Variants in SOHLH1 observed in about 807,000 individuals in gnomAD.
SOHLH1 encodes the protein spermatogenesis- and oogenesis-specific basic helix-loop-helix-containing protein 1.
In SOHLH1, 23 loss-of-function variants were observed where a neutral mutation model predicts 36.2. The ratio of observed to expected loss-of-function variants is 0.64; its 90% CI spans 0.46 to 0.90. The LOEUF (loss-of-function observed/expected upper bound fraction) is 0.90. Among genes scored for constraint, SOHLH1 ranks in the 40% least tolerant of loss-of-function variants. SOHLH1 has a pLI of 0.00. For synonymous variants in SOHLH1, 289 were observed against 228.3 expected, an observed-to-expected ratio of 1.27 and a Z score of -2.40; for missense variants, 608 against 517.0, an observed-to-expected ratio of 1.18 and a Z score of -1.71.
intron 4 of SOHLH1, 103 bp from the exon 5 acceptor site, chr9:135,696,908 C>T (rs977842585): frequency 1.6e-5 from 20 of 1,255,566 alleles, no homozygotes; most frequent in Non-Finnish European, 2.3e-5. Context: ...ATCCCCAGGA[C>T]ACCCCAGGCA....
At chr9:135,700,972 C>T (rs1303954506), upstream of SOHLH1, among the ~76,000 whole-genome samples, 2 of 152,226 alleles carry the variant, frequency 1.3e-5, no homozygotes, top group Non-Finnish European at 2.9e-5. Flanking sequence ...CGTGTAATTA[C>T]TGCTAATTAA....
At chr9:135,697,699 A>C (rs1834861285) in intron 3 of SOHLH1, 72 bp from the exon 4 acceptor site, 5 of 1,554,678 alleles carry the variant, frequency 3.2e-6, no homozygotes, top group Non-Finnish European at 4.4e-6. Context: ...CGGTGACAAG[A>C]CTGCTACCCC....
chr9:135,701,845 C>T (rs1406356086), upstream of SOHLH1, among the ~76,000 whole-genome samples: 1 of 152,180 alleles, frequency 6.6e-6, no homozygotes, highest in African/African-American at 2.4e-5. Context: ...GCTGGCGGTC[C>T]GAGCAGCGCA....
intron 6 of SOHLH1, 100 bp downstream of exon 6, chr9:135,694,950 G>A (rs1052750907): frequency 7.6e-6 from 10 of 1,322,462 alleles, no homozygotes; most frequent in African/African-American, 2.9e-5. Flanking sequence ...TCCAGATGCC[G>A]AGAAAGTGGG....
intron 3 of SOHLH1, among the ~76,000 whole-genome samples, 165 bp downstream of exon 3, chr9:135,698,164 G>A (rs943752554): frequency 2.4e-4 from 37 of 152,158 alleles, no homozygotes; most frequent in Admixed American, 3.9e-4. Context: ...GGTAAGGCTT[G>A]AACAAATCAG....
chr9:135,695,356 C>T (rs1329223199), intron 5 of SOHLH1, 93 bp from the exon 6 acceptor site: 10 of 1,228,424 alleles, frequency 8.1e-6, no homozygotes, highest in Middle Eastern at 2.6e-4. Context: ...GGTCCACTCA[C>T]ACTGACCGAG....
intron 3 of SOHLH1, among the ~76,000 whole-genome samples, chr9:135,698,119 A>C (rs1386156384): frequency 1.3e-5 from 2 of 152,134 alleles, no homozygotes; most frequent in Non-Finnish European, 2.9e-5. Context: ...GCTGGAAAGG[A>C]AGGCTTGCTC....
At chr9:135,694,516 G>T in intron 6 of SOHLH1, 59 bp from the exon 7 acceptor site, 1 of 1,594,960 alleles carries the variant, frequency 6.3e-7, no homozygotes, top group Non-Finnish European at 8.5e-7. Flanking sequence ...TGGAGCTCAA[G>T]GAAACATTTG....
chr9:135,695,307 C>T (rs747124243), intron 5 of SOHLH1, 44 bp from the exon 6 acceptor site: 40 of 1,543,468 alleles, frequency 2.6e-5, no homozygotes, highest in Admixed American at 2.1e-4. Flanking sequence ...CTGCCCAGCC[C>T]CACAGGCTGC....
At chr9:135,698,698 C>T (rs1834907862) in intron 2 of SOHLH1, among the ~76,000 whole-genome samples, 1 of 152,148 alleles carries the variant, frequency 6.6e-6, no homozygotes, top group Admixed American at 6.5e-5. Context: ...CAGCCCAGGC[C>T]CAAACCATGG....
Position 135,697,580 on chromosome 9 carries a change from A to C in SOHLH1, c.393T>G (p.Val131=), listed in dbSNP as rs759050041. The C allele has an allele frequency of 1.6e-5, 26 of 1,612,474 alleles. No individual in the cohort carries two copies. ...TCTGACTCGACAACGTCAACTGTAA[A>C]ACATCCTCCTGCAACGAGTGCCACA... is the stretch of plus-strand genomic sequence containing the variant. ...KEMWHSLQED[V]LQLTLSSQIQ... Residue 131 remains valine (V), a synonymous_variant, in exon 4 of 8, where the codon GTT becomes GTG. Coordinates refer to ENST00000425225, the MANE Select transcript of SOHLH1 (RefSeq NM_001101677.2).
chr9:135,698,207 G>A, intron 3 of SOHLH1, 122 bp downstream of exon 3: 2 of 1,384,506 alleles, frequency 1.4e-6, no homozygotes, highest in Non-Finnish European at 2.0e-6. Context: ...GCCTGCTCTA[G>A]CCGTGGAGAC....
Position 135,696,686 on chromosome 9 carries a change from G to A in SOHLH1, c.587C>T (p.Thr196Met), listed in dbSNP as rs189495360. The A allele has an allele frequency of 8.7e-6, 14 of 1,612,936 alleles. No individual in the cohort carries two copies. In the East Asian group the frequency reaches 2.5e-4, roughly 28 times the overall value. Residue 196 changes from threonine to methionine, a missense_variant, in exon 5 of 8, where the codon ACG becomes ATG. By Grantham distance (81) the Thr-to-Met change is moderately conservative. Transcript: ENST00000425225. The part of the protein sequence containing the change: ...SSRQWDPASC[T>M]SLGTDKCEAL... ...CTCACACTTGTCCGTGCCCAGGGACGTGCAGCTCGCGGGGTCCCACTGCCT... is the reference window on the plus strand; with the variant it reads ...CTCACACTTGTCCGTGCCCAGGGACATGCAGCTCGCGGGGTCCCACTGCCT...
At chr9:135,697,329 CA>C (rs1834843670) in intron 4 of SOHLH1, among the ~76,000 whole-genome samples, 176 bp downstream of exon 4, 5 of 152,180 alleles carry the variant, frequency 3.3e-5, no homozygotes, top group Admixed American at 3.3e-4. Context: ...GGAGCTCGCC[CA>C]TGTTGGTCAC....
chr9:135,695,188 G>A lies in SOHLH1; in HGVS notation c.737C>T (p.Pro246Leu), dbSNP rs367825361. 33 of 1,604,494 alleles carry A rather than the reference G, an allele frequency of 2.1e-5. No homozygotes were observed. The South Asian group carries it at 2.4e-4, about 11-fold the overall frequency. The change falls in exon 6 of 8, where the codon CCG (proline) becomes CTG (leucine). Residue 246 changes from proline (P) to leucine (L), a missense_variant. Transcript: ENST00000425225. ...GGGCAAGGTCTGCTGCTGCGAGAAC[G>A]GAGGCCAGGACAGGGGTGGCCTCAC... ...KAVRPPLSWPPFSQQQTLPVM... is the reference protein window; with the variant it reads ...KAVRPPLSWPLFSQQQTLPVM...
At chr9:135,698,863 A>G in intron 2 of SOHLH1, 132 bp downstream of exon 2, 2 of 1,275,056 alleles carry the variant, frequency 1.6e-6, no homozygotes, top group Non-Finnish European at 2.3e-6. Context: ...GGAGATGTGC[A>G]GTCTGTCCTT....
rs779714365 is a variant in SOHLH1 at position 135,694,424 on chromosome 9, C to A, written c.909G>T (p.Thr303=). 1.4e-5 allele frequency: 23 copies of A among 1,613,048 alleles called. No homozygotes were observed. The highest frequency in any genetic ancestry group is 1.6e-5 in the Non-Finnish European group (19 of 1,180,012). The stretch of plus-strand genomic sequence containing the variant: ...TGGGACCAGCAGTCAGCAGGAAGGA[C>A]GTCCCATCGTCCACATCAGACCCCA... The part of the protein sequence containing the change: ...SALGSDVDDG[T]SFLLTAGPSS... The change falls in exon 7 of 8, where the codon ACG becomes ACT. Residue 303 remains threonine (T), a synonymous_variant. Transcript: ENST00000425225.
intron 2 of SOHLH1, 50 bp downstream of exon 2, chr9:135,698,945 C>T (rs746624167): frequency 1.9e-6 from 3 of 1,610,214 alleles, no homozygotes; most frequent in Non-Finnish European, 2.5e-6. Flanking sequence ...TAATCTCACC[C>T]GCTCCACCCC....
upstream of SOHLH1, among the ~76,000 whole-genome samples, chr9:135,701,608 T>A (rs1290335797): frequency 6.6e-6 from 1 of 151,958 alleles, no homozygotes; most frequent in African/African-American, 2.4e-5. Flanking sequence ...AAAGGTGCTG[T>A]GTGTGCCCGT....
Sources: allele counts gnomAD v4.1 joint callset (sites outside exome capture counted in the v4.1 genomes callset), GRCh38; gene constraint gnomAD v4.1.1; transcripts MANE v1.5; gene names NCBI Gene and HGNC (gene_info 2026-07-23, HGNC 2026-07-21).